FER: variants seen among roughly 807,000 people sequenced by gnomAD.
FER encodes the protein FER tyrosine kinase.
FER carries 63 observed loss-of-function variants against 111.0 expected under a neutral mutation model. That is an observed-to-expected ratio of 0.57 (90% CI 0.46 to 0.70). The LOEUF (loss-of-function observed/expected upper bound fraction) is 0.70. Ranked by LOEUF, FER falls within the 30% of genes least tolerant of loss-of-function variation. The probability of loss-of-function intolerance (pLI) is 0.00; values close to 1 mark genes in which losing one functional copy is unlikely to be tolerated. For synonymous variants in FER, 327 were observed against 313.9 expected, an observed-to-expected ratio of 1.04 and a Z score of -0.44; for missense variants, 914 against 954.0, an observed-to-expected ratio of 0.96 and a Z score of 0.55.
intron 5 of FER, among the ~76,000 whole-genome samples, chr5:108,858,463 C>T (rs753851926): frequency 3.3e-5 from 5 of 152,118 alleles, no homozygotes; most frequent in Non-Finnish European, 7.4e-5. Context: ...TACTTCCCTA[C>T]TCCTTTTAGT....
chr5:108,859,357 C>G (rs1402543427), intron 5 of FER, among the ~76,000 whole-genome samples: 2 of 152,008 alleles, frequency 1.3e-5, no homozygotes, highest in South Asian at 4.2e-4. Flanking sequence ...CCCTGCCTCA[C>G]CCCCCAACAC....
chr5:109,180,514 T>C (rs576812649), intron 17 of FER, among the ~76,000 whole-genome samples: 81 of 152,284 alleles, frequency 5.3e-4, no homozygotes, highest in African/African-American at 1.8e-3. Context: ...TCTATTTAAA[T>C]GGAAATATAT....
intron 17 of FER, among the ~76,000 whole-genome samples, chr5:109,100,778 C>T (rs1156230256): frequency 4.6e-5 from 7 of 151,772 alleles, no homozygotes; most frequent in African/African-American, 1.2e-4. Flanking sequence ...TCATGAACAA[C>T]GGTGACATGG....
At chr5:108,963,930 T>C (rs1759468877) in intron 13 of FER, among the ~76,000 whole-genome samples, 1 of 152,190 alleles carries the variant, frequency 6.6e-6, no homozygotes, top group Admixed American at 6.5e-5. Context: ...TACTGTTTAG[T>C]AATTTTCATT....
intron 17 of FER, among the ~76,000 whole-genome samples, chr5:109,167,133 C>T (rs753234959): frequency 1.3e-5 from 2 of 152,120 alleles, no homozygotes; most frequent in African/African-American, 2.4e-5. Context: ...ATTAGTTTAT[C>T]TATATCTGCA....
intron 13 of FER, among the ~76,000 whole-genome samples, chr5:108,992,089 T>C (rs1257061920): frequency 6.6e-6 from 1 of 152,042 alleles, no homozygotes; most frequent in Non-Finnish European, 1.5e-5. Context: ...TTAACGAGCA[T>C]GCTGCCTTCA....
chr5:108,949,187 G>A (rs1757397502), intron 11 of FER, among the ~76,000 whole-genome samples: 1 of 152,046 alleles, frequency 6.6e-6, no homozygotes, highest in African/African-American at 2.4e-5. Context: ...GCTTCCACCA[G>A]TGGCATAGGG....
chr5:108,769,971 G>A (rs1752717815), intron 2 of FER, among the ~76,000 whole-genome samples: 1 of 150,916 alleles, frequency 6.6e-6, no homozygotes, highest in African/African-American at 2.4e-5. Flanking sequence ...TTTTTGAGAC[G>A]GAGCTTCACT....
At chr5:108,939,243 G>T (rs57404758) in intron 10 of FER, among the ~76,000 whole-genome samples, 20,116 of 151,946 alleles carry the variant, frequency 0.13, 1,371 homozygotes, top group Middle Eastern at 0.17. Flanking sequence ...AATATCAAAA[G>T]ATTTCTTTTC....
intron 16 of FER, among the ~76,000 whole-genome samples, chr5:109,080,691 A>C (rs1020892621): frequency 2.4e-4 from 36 of 152,256 alleles, no homozygotes; most frequent in African/African-American, 8.4e-4. Flanking sequence ...CAGTGACAGT[A>C]AAGTTTAAAT....
chr5:109,119,390 C>T (rs1381105816), intron 17 of FER, among the ~76,000 whole-genome samples: 1 of 152,182 alleles, frequency 6.6e-6, no homozygotes, highest in African/African-American at 2.4e-5. Flanking sequence ...GTTGTAATTT[C>T]TGTTCTTTTA....
rs1485442726 is a variant in FER, at chr5:108,998,374, T to C, written c.1656+39027T>C. Among the ~76,000 whole-genome samples, 3 of 151,982 alleles carry C rather than the reference T, an allele frequency of 2.0e-5. No homozygotes were observed. The East Asian group carries it at 5.8e-4, about 29-fold the overall frequency. On this transcript the variant is annotated intron_variant, in intron 13 of 19. Transcript: ENST00000281092. ...GCAGTGTTCCTCACAGCACAGTCCC[T>C]CATGACTTCCCTTGGCCAGGGGAGG...
intron 13 of FER, among the ~76,000 whole-genome samples, chr5:109,023,049 A>G (rs1198676540): frequency 1.3e-5 from 2 of 152,140 alleles, no homozygotes; most frequent in African/African-American, 4.8e-5. Context: ...AAATGTATGT[A>G]AAGGGAGGAT....
chr5:108,965,165 T>C (rs1283756199), intron 13 of FER, among the ~76,000 whole-genome samples: 2 of 152,128 alleles, frequency 1.3e-5, no homozygotes. Context: ...AATTACAAAA[T>C]GTTCTTTTTA....
Position 108,782,700 on chromosome 5 carries a change from A to G in FER, c.-60+14462A>G, listed in dbSNP as rs1051902348. The stretch of plus-strand genomic sequence containing the variant: ...GCTTTGTTGCCTAGGCTGATCTTGA[A>G]CTCCTGGGCTCAAGCAATATGCCTG... On this transcript the variant is annotated intron_variant, in intron 2 of 19. Coordinates refer to ENST00000281092, the MANE Select transcript of FER (RefSeq NM_005246.4). 57 of 150,444 alleles carry G rather than the reference A, an allele frequency of 3.8e-4. 1 individual carries two copies. The highest frequency in any genetic ancestry group is 1.4e-3 in the African/African-American group (57 of 40,884). 9.3% of individuals were successfully genotyped at this position (150,444 alleles called of 1,614,324 possible).
chr5:108,776,893 A>G (rs1431719426), intron 2 of FER, among the ~76,000 whole-genome samples: 1 of 152,210 alleles, frequency 6.6e-6, no homozygotes, highest in Non-Finnish European at 1.5e-5. Flanking sequence ...TTAAAAATAT[A>G]CTTTTTAAAA....
chr5:108,786,297 C>T (rs746150221), intron 2 of FER, among the ~76,000 whole-genome samples: 2 of 152,294 alleles, frequency 1.3e-5, no homozygotes, highest in South Asian at 2.1e-4. Context: ...TTGACTTTCC[C>T]TAGTTTGGTC....
intron 13 of FER, among the ~76,000 whole-genome samples, chr5:109,035,388 A>C (rs1770234697): frequency 6.6e-6 from 1 of 152,230 alleles, no homozygotes; most frequent in Admixed American, 6.5e-5. Context: ...AAATGGAATT[A>C]GTATCTATGT....
chr5:109,003,325 A>T (rs1765056184), intron 13 of FER, among the ~76,000 whole-genome samples: 1 of 152,228 alleles, frequency 6.6e-6, no homozygotes, highest in Non-Finnish European at 1.5e-5. Flanking sequence ...AGGGACATGG[A>T]TGAAGATGGA....
Sources: gnomAD v4.1 joint callset for allele counts (sites outside exome capture counted in the v4.1 genomes callset) on GRCh38, gnomAD v4.1.1 for gene constraint, MANE v1.5 for transcripts, NCBI Gene and HGNC (gene_info 2026-07-23, HGNC 2026-07-21) for gene names.